Variants in TRIM37 observed in about 807,000 individuals in gnomAD.
TRIM37 encodes the protein E3 ubiquitin-protein ligase TRIM37.
In TRIM37, 80 loss-of-function variants were observed where a neutral mutation model predicts 129.8. The ratio of observed to expected loss-of-function variants is 0.62; its 90% CI spans 0.51 to 0.74. TRIM37 has a LOEUF of 0.74. Among genes scored for constraint, TRIM37 ranks in the 30% least tolerant of loss-of-function variants. The pLI is 0.00. For missense variants in TRIM37, 1,054 were observed against 1,176.5 expected (o/e 0.90, Z 1.52); for synonymous variants, 389 against 387.1 (o/e 1.00, Z -0.06).
intron 22 of TRIM37, among the ~76,000 whole-genome samples, chr17:59,011,501 G>T (rs866203377): frequency 6.6e-6 from 1 of 152,174 alleles, no homozygotes; most frequent in Non-Finnish European, 1.5e-5. Flanking sequence ...GAGTGCAGAG[G>T]TGGAAGGTGG....
chr17:59,056,974 AAGTCAGATGC>A lies in TRIM37; in HGVS notation c.1090_1099del (p.Ala364LeufsTer24). On this transcript the variant is annotated frameshift_variant, in exon 13 of 24. Coordinates refer to ENST00000262294, the MANE Select transcript of TRIM37 (RefSeq NM_015294.6). LOFTEE classifies it high-confidence loss of function. ...ATAGCCCCAGCATTCTCCAACTTCAAAGTCAGATGCAAATTCTCGAATGATATTTTTTGTA... is the reference window on the plus strand; with the variant it reads ...ATAGCCCCAGCATTCTCCAACTTCAAAAATTCTCGAATGATATTTTTTGTA... 6.2e-7 allele frequency: 1 copy of A among 1,613,876 alleles called. No individual in the cohort carries two copies. The highest frequency in any genetic ancestry group is 1.1e-5 in the South Asian group (1 of 91,080).
chr17:59,062,193 T>C (rs1430738759), intron 11 of TRIM37, among the ~76,000 whole-genome samples: 1 of 152,156 alleles, frequency 6.6e-6, no homozygotes, highest in African/African-American at 2.4e-5. Context: ...TAAAGAAAAT[T>C]AGTTTATTAT....
chr17:59,098,228 GAAT>G (rs2045097213), intron 2 of TRIM37, among the ~76,000 whole-genome samples: 12 of 152,204 alleles, frequency 7.9e-5, no homozygotes, highest in African/African-American at 2.4e-4. Flanking sequence ...AGGGGGAAGA[GAAT>G]AATGAGAATT....
At chr17:58,979,678 T>C (rs1016455100), downstream of TRIM37, among the ~76,000 whole-genome samples, 1 of 152,156 alleles carries the variant, frequency 6.6e-6, no homozygotes, top group African/African-American at 2.4e-5. Flanking sequence ...AGATCTGACA[T>C]TGTTGTTACA....
In TRIM37 at chr17:59,088,403, G is replaced by T. The variant is rs140635645; in HGVS notation, c.169C>A (p.Pro57Thr). 4.4e-6 allele frequency: 7 copies of T among 1,587,172 alleles called. No homozygotes were observed. In the African/African-American group the frequency reaches 9.4e-5, roughly 21 times the overall value. ...TTTACTAGTTCTCGTAGCTGGAGTG[G>T]AGCACTGGGGAGAAAATCCATACAC... ...QRAQCPHCRA[P>T]LQLRELVNCR... is the part of the protein sequence containing the mutation. The change falls in exon 4 of 24, where the codon CCA becomes ACA. Residue 57 changes from proline (P) to threonine (T), a missense_variant. Physicochemically the swap from Pro to Thr is conservative, Grantham distance 38. Coordinates refer to ENST00000262294, the MANE Select transcript of TRIM37 (RefSeq NM_015294.6).
In TRIM37 at chr17:59,106,681, G is replaced by A; in HGVS notation, c.-220C>T. On this transcript the variant is annotated 5_prime_UTR_variant, in exon 1 of 24. Coordinates refer to ENST00000262294, the MANE Select transcript of TRIM37 (RefSeq NM_015294.6). ...ACCGGCGCGCCCGCCCCGAGGCGCA[G>A]AAGTAGGGCGAACGGTGGCCGCAGC... 1 of 608,220 alleles carries A rather than the reference G, an allele frequency of 1.6e-6. No homozygotes were observed. Among genetic ancestry groups the A allele is most frequent in the Non-Finnish European group, 2.9e-6 (1 of 342,620 alleles). The allele number at this position is 608,220 out of a possible 1,614,324, so 37.7% of individuals were successfully genotyped here.
At chr17:59,037,239 T>C (rs897950536) in intron 17 of TRIM37, among the ~76,000 whole-genome samples, 1 of 152,080 alleles carries the variant, frequency 6.6e-6, no homozygotes, top group Non-Finnish European at 1.5e-5. Flanking sequence ...CACCCCGATC[T>C]AGCTTTTTCA....
chr17:58,998,185 T>C, downstream of TRIM37: 1 of 984,150 alleles, frequency 1.0e-6, no homozygotes, highest in Non-Finnish European at 1.2e-6. Flanking sequence ...CCCAATTTAA[T>C]AAACAGCAGA....
At chr17:59,017,517 A>C in intron 19 of TRIM37, 93 bp from the exon 20 acceptor site, 1 of 1,551,078 alleles carries the variant, frequency 6.4e-7, no homozygotes, top group South Asian at 1.1e-5. Context: ...CTTACCTTGC[A>C]TGGAAGCTGT....
At chr17:59,027,922 T>C (rs145803674) in intron 19 of TRIM37, among the ~76,000 whole-genome samples, 18 of 152,304 alleles carry the variant, frequency 1.2e-4, no homozygotes, top group African/African-American at 4.3e-4. Flanking sequence ...GCAGTTTCTG[T>C]TCTGTTTACC....
chr17:59,050,556 C>T lies in TRIM37; in HGVS notation c.1314+658G>A, dbSNP rs151247498. On this transcript the variant is annotated intron_variant, in intron 14 of 23. Transcript: ENST00000262294. ...AAACAAAAACTAGCCATGACACATG[C>T]TCGTAGTCCCAGCTACCTGGGAGGC... Among the ~76,000 whole-genome samples the T allele has an allele frequency of 3.5e-3, 528 of 152,120 alleles. 4 individuals are homozygous for T. The highest frequency in any genetic ancestry group is 0.023 in the South Asian group (112 of 4,814).
chr17:59,096,290 G>A (rs377580728), intron 2 of TRIM37, among the ~76,000 whole-genome samples: 210 of 151,800 alleles, frequency 1.4e-3, no homozygotes, highest in Non-Finnish European at 2.4e-3. Flanking sequence ...AGTGGCTCAC[G>A]CCTGTAATCT....
chr17:59,084,566 A>T (rs576109197), intron 4 of TRIM37, among the ~76,000 whole-genome samples: 1 of 152,334 alleles, frequency 6.6e-6, no homozygotes, highest in East Asian at 1.9e-4. Flanking sequence ...CTCAATTTTA[A>T]ATGTTCTTTT....
At chr17:59,103,394 T>C (rs1303065877) in intron 2 of TRIM37, among the ~76,000 whole-genome samples, 1 of 151,950 alleles carries the variant, frequency 6.6e-6, no homozygotes, top group Admixed American at 6.6e-5. Context: ...CAGGCTGGAG[T>C]GCACTGGCAT....
chr17:58,985,425 TAAAAG>T (rs1023924485), intron 24 of TRIM37, among the ~76,000 whole-genome samples: 4 of 152,194 alleles, frequency 2.6e-5, no homozygotes, highest in African/African-American at 9.7e-5. Flanking sequence ...GTTATAATCC[TAAAAG>T]AAAAGAGGAA....
chr17:59,079,052 A>C (rs1599402899), intron 7 of TRIM37, among the ~76,000 whole-genome samples: 1 of 146,268 alleles, frequency 6.8e-6, no homozygotes, highest in South Asian at 2.1e-4. Context: ...AAGATAGCCA[A>C]AAAAAAAAAA....
intron 18 of TRIM37, among the ~76,000 whole-genome samples, chr17:59,030,279 G>A (rs1744218303): frequency 6.6e-6 from 1 of 152,108 alleles, no homozygotes; most frequent in Non-Finnish European, 1.5e-5. Flanking sequence ...CTAATTTTTT[G>A]TATTTTTAGT....
chr17:58,976,879 A>T, the TRIM37 span, among the ~76,000 whole-genome samples: 1 of 152,200 alleles, frequency 6.6e-6, no homozygotes, highest in Non-Finnish European at 1.5e-5. Flanking sequence ...ATTTATTTTT[A>T]GAGGCGGAAT....
chr17:59,049,342 G>C lies in TRIM37; in HGVS notation c.1366C>G (p.Pro456Ala), dbSNP rs1422059537. The change falls in exon 15 of 24, where the codon CCA becomes GCA. Residue 456 changes from proline (P) to alanine (A), a missense_variant. Around this residue, in one of 3 missense-constraint regions of TRIM37, gnomAD observed 752 missense variants for 870.8 expected, o/e 0.86. Transcript: ENST00000262294. The part of the protein sequence containing the change: ...RTQKSRDLSP[P>A]DNHLSPQNDD... ...TTTTGGGGGCTAAGATGGTTATCTG[G>C]TGGTGACAAATCTCTTGACTTCTGA... 2 of 1,613,964 alleles carry C rather than the reference G, an allele frequency of 1.2e-6. No individual in the cohort carries two copies. The highest frequency in any genetic ancestry group is 1.7e-6 in the Non-Finnish European group (2 of 1,180,032).
Sources: allele counts gnomAD v4.1 joint callset (sites outside exome capture counted in the v4.1 genomes callset), GRCh38; gene constraint gnomAD v4.1.1; regional missense constraint gnomAD v4.1.1; transcripts MANE v1.5; gene names NCBI Gene and HGNC (gene_info 2026-07-23, HGNC 2026-07-21).